ADAM2: variants seen among roughly 807,000 people sequenced by gnomAD.
ADAM2 encodes disintegrin and metalloproteinase domain-containing protein 2.
A neutral mutation model predicts 99.3 loss-of-function variants in ADAM2; 101 were observed. The ratio of observed to expected loss-of-function variants is 1.02; its 90% CI spans 0.87 to 1.20. The LOEUF is 1.20. Ranked by LOEUF, ADAM2 falls within the 50% of genes most tolerant of loss-of-function variation. The pLI is 0.00. For synonymous variants in ADAM2, 323 were observed against 287.6 expected, an observed-to-expected ratio of 1.12 and a Z score of -1.25; for missense variants, 948 against 878.7, an observed-to-expected ratio of 1.08 and a Z score of -1.00.
chr8:39,828,556 C>T (rs1266728749), intron 3 of ADAM2, among the ~76,000 whole-genome samples: 2 of 151,442 alleles, frequency 1.3e-5, no homozygotes, highest in African/African-American at 4.8e-5. Context: ...ATAATGTTTC[C>T]AAAATCATGT....
chr8:39,746,511 T>A lies in ADAM2; in HGVS notation c.2135A>T (p.Gln712Leu). Residue 712 changes from glutamine (Q) to leucine (L), a missense_variant, in exon 19 of 21, where the codon CAA becomes CTA. Transcript: ENST00000265708. ...LIAIMVKVNF[Q>L]RKKWRTEDYS... ...GTCCTCAGTTCTCCATTTTTTCCTT[T>A]GGAAATTAACTTTCACCATTATAGC... The A allele has an allele frequency of 6.3e-7, 1 of 1,596,952 alleles. No homozygotes were observed. The highest frequency in any genetic ancestry group is 8.5e-7 in the Non-Finnish European group (1 of 1,174,296).
At chr8:39,799,815 T>C (rs568149760) in intron 7 of ADAM2, among the ~76,000 whole-genome samples, 1 of 152,368 alleles carries the variant, frequency 6.6e-6, no homozygotes, top group Non-Finnish European at 1.5e-5. Flanking sequence ...TTCTGATCTT[T>C]GTTGGTTTAA....
intron 3 of ADAM2, among the ~76,000 whole-genome samples, chr8:39,832,492 G>T (rs1805657014): frequency 6.6e-6 from 1 of 152,118 alleles, no homozygotes; most frequent in Non-Finnish European, 1.5e-5. Context: ...CTCATCTGAT[G>T]CAGGTAAAAT....
chr8:39,795,780 G>A (rs998820621), intron 7 of ADAM2, among the ~76,000 whole-genome samples: 1 of 152,076 alleles, frequency 6.6e-6, no homozygotes, highest in African/African-American at 2.4e-5. Flanking sequence ...ATACTTTGTG[G>A]TTCACAAAGT....
At chr8:39,795,152 C>T (rs1803885254) in intron 7 of ADAM2, among the ~76,000 whole-genome samples, 1 of 151,970 alleles carries the variant, frequency 6.6e-6, no homozygotes, top group African/African-American at 2.4e-5. Context: ...TCAAATAAGG[C>T]AAATGGTGAA....
At chr8:39,797,637 G>T (rs1209848202) in intron 7 of ADAM2, among the ~76,000 whole-genome samples, 2 of 152,168 alleles carry the variant, frequency 1.3e-5, no homozygotes, top group Non-Finnish European at 2.9e-5. Context: ...ATTACTTTGG[G>T]CAGTATGGCC....
intron 19 of ADAM2, among the ~76,000 whole-genome samples, chr8:39,746,263 G>A (rs1389225411): frequency 2.0e-5 from 3 of 152,098 alleles, no homozygotes; most frequent in Non-Finnish European, 4.4e-5. Context: ...CTGGCTTTAA[G>A]TGATCCACTC....
chr8:39,814,683 G>A (rs1217522242), intron 6 of ADAM2, among the ~76,000 whole-genome samples: 2 of 152,088 alleles, frequency 1.3e-5, no homozygotes. Context: ...CAGATAGATA[G>A]ATATGGGGTG....
intron 7 of ADAM2, among the ~76,000 whole-genome samples, chr8:39,790,670 A>T (rs376893787): frequency 2.6e-5 from 4 of 152,142 alleles, no homozygotes; most frequent in African/African-American, 9.6e-5. Context: ...TACATTTCAC[A>T]TAGTTTAACA....
intron 6 of ADAM2, among the ~76,000 whole-genome samples, chr8:39,810,772 C>A (rs1266307511): frequency 6.6e-6 from 1 of 151,906 alleles, no homozygotes; most frequent in Non-Finnish European, 1.5e-5. Flanking sequence ...ATCTCTGGGA[C>A]ACATTTAAAG....
At position 39,771,095 on chromosome 8, in the gene ADAM2, C is replaced by G. The variant is rs191662879; in HGVS notation, c.1029-1520G>C. On this transcript the variant is annotated intron_variant, in intron 11 of 20. Transcript: ENST00000265708. ...AGTGCGATGTATTCACCAACTCCTC[C>G]GAGGTCATTCTCCTCATCAACCTCA... 2.6e-5 allele frequency among the ~76,000 whole-genome samples: 4 copies of G among 152,282 alleles called. No individual in the cohort carries two copies. The East Asian group carries it at 7.7e-4, about 29-fold the overall frequency.
At chr8:39,767,641 G>A (rs1241109228) in intron 12 of ADAM2, among the ~76,000 whole-genome samples, 1 of 152,068 alleles carries the variant, frequency 6.6e-6, no homozygotes, top group Non-Finnish European at 1.5e-5. Context: ...AGAGTCTTCT[G>A]AATATAATAT....
chr8:39,745,798 A>C, intron 19 of ADAM2, among the ~76,000 whole-genome samples: 1 of 152,202 alleles, frequency 6.6e-6, no homozygotes, highest in Non-Finnish European at 1.5e-5. Flanking sequence ...AATATTACAA[A>C]GTTATTTAAG....
At position 39,777,026 on chromosome 8, in the gene ADAM2, T is replaced by C. The variant is rs983408984; in HGVS notation, c.1027A>G (p.Ile343Val). The change falls in exon 11 of 21, where the codon ATT becomes GTT. Residue 343 changes from isoleucine (I) to valine (V), a missense_variant and splice_region_variant. Ile to Val is a conservative substitution (Grantham distance 29). Transcript: ENST00000265708. ...GAVCIMNPEA[I>V]HFSGVKIFSN... ...AAGTATAAAAGTCAGAAATCTTACATTGCTTCTGGATTCATAATGCAGACA... is the reference window on the plus strand; with the variant it reads ...AAGTATAAAAGTCAGAAATCTTACACTGCTTCTGGATTCATAATGCAGACA... The C allele has an allele frequency of 1.3e-6, 2 of 1,560,080 alleles. No individual in the cohort carries two copies. The highest frequency in any genetic ancestry group is 1.1e-5 in the South Asian group (1 of 89,000).
At position 39,815,769 on chromosome 8, in the gene ADAM2, A is replaced by G. The variant is rs182756907; in HGVS notation, c.513+5233T>C. On this transcript the variant is annotated intron_variant, in intron 6 of 20. Coordinates refer to ENST00000265708, the MANE Select transcript of ADAM2 (RefSeq NM_001464.5). The stretch of plus-strand genomic sequence containing the variant: ...TTTCCAAAAGTGAGGACAGCATAAA[A>G]CAGCATGAGGGAATGAACAGAATGA... 1.4e-4 allele frequency among the ~76,000 whole-genome samples: 22 copies of G among 152,288 alleles called. No homozygotes were observed. The East Asian group carries it at 4.0e-3, about 28-fold the overall frequency.
chr8:39,821,508 G>T, intron 5 of ADAM2, 78 bp downstream of exon 5: 1 of 1,146,358 alleles, frequency 8.7e-7, no homozygotes, highest in Non-Finnish European at 1.3e-6. Flanking sequence ...TAGAACCACT[G>T]AATATTATGT....
chr8:39,826,162 A>G (rs1288063742), intron 3 of ADAM2, among the ~76,000 whole-genome samples: 1 of 152,230 alleles, frequency 6.6e-6, no homozygotes, highest in East Asian at 1.9e-4. Flanking sequence ...ACACAGCTAG[A>G]GGCATCATAC....
Position 39,749,449 on chromosome 8 carries a change from A to G in ADAM2, c.1877T>C (p.Val626Ala), listed in dbSNP as rs925931970. 3.7e-6 allele frequency: 6 copies of G among 1,610,568 alleles called. No individual in the cohort carries two copies. Among genetic ancestry groups the G allele is most frequent in the South Asian group, 2.2e-5 (2 of 90,704 alleles). ...GTGACAGTGCTTTTTGTTATTGCAT[A>G]CCTAAAAGAAGGAGAAATATCACCT... ...CTTDKCNDRGVCNNKKHCHCS... is the reference protein window; with the variant it reads ...CTTDKCNDRGACNNKKHCHCS... Residue 626 changes from valine to alanine, a missense_variant and splice_region_variant, in exon 18 of 21, where the codon GTA becomes GCA. Val to Ala is a moderately conservative substitution (Grantham distance 64). Transcript: ENST00000265708.
intron 7 of ADAM2, among the ~76,000 whole-genome samples, chr8:39,803,625 G>A (rs778762980): frequency 6.6e-6 from 1 of 152,140 alleles, no homozygotes; most frequent in Non-Finnish European, 1.5e-5. Flanking sequence ...TTCATTAATT[G>A]CTGATAAAAG....
Sources: allele counts gnomAD v4.1 joint callset (sites outside exome capture counted in the v4.1 genomes callset), GRCh38; gene constraint gnomAD v4.1.1; transcripts MANE v1.5; gene names NCBI Gene and HGNC (gene_info 2026-07-23, HGNC 2026-07-21).